The following FRMD5 variants were observed in gnomAD, a reference collection of about 807,000 sequenced individuals.
FRMD5 encodes FERM domain containing 5.
A neutral mutation model predicts 69.0 loss-of-function variants in FRMD5; 20 were observed. That is an observed-to-expected ratio of 0.29 (90% confidence interval 0.20 to 0.42). FRMD5 has a LOEUF of 0.42. Among genes scored for constraint, FRMD5 ranks in the 10% least tolerant of loss-of-function variants. FRMD5 has a pLI of 1.00. For synonymous variants in FRMD5, 271 were observed against 260.1 expected, an observed-to-expected ratio of 1.04 and a Z score of -0.40; for missense variants, 595 against 708.6, an observed-to-expected ratio of 0.84 and a Z score of 1.82.
At chr15:43,983,234 A>T (rs557183112) in intron 1 of FRMD5, among the ~76,000 whole-genome samples, 1 of 152,192 alleles carries the variant, frequency 6.6e-6, no homozygotes, top group South Asian at 2.1e-4. Flanking sequence ...CCTGGCCCCA[A>T]TCTTCTAATT....
intron 1 of FRMD5, among the ~76,000 whole-genome samples, chr15:44,120,280 G>A (rs139961683): frequency 6.6e-6 from 1 of 152,142 alleles, no homozygotes; most frequent in Non-Finnish European, 1.5e-5. Context: ...ACTGTCTAGA[G>A]GCAGGAAGAT....
At chr15:43,997,210 CA>C (rs1229050442) in intron 1 of FRMD5, among the ~76,000 whole-genome samples, 1 of 152,124 alleles carries the variant, frequency 6.6e-6, no homozygotes, top group Non-Finnish European at 1.5e-5. Context: ...GGGTAACTCC[CA>C]AATTTCATCT....
At chr15:44,009,030 C>CA (rs1481239016) in intron 1 of FRMD5, among the ~76,000 whole-genome samples, 1 of 151,962 alleles carries the variant, frequency 6.6e-6, no homozygotes, top group African/African-American at 2.4e-5. Context: ...GTCTCAAAAA[C>CA]AAAAAACAAC....
At chr15:44,114,588 C>A (rs894895739) in intron 1 of FRMD5, among the ~76,000 whole-genome samples, 1 of 152,140 alleles carries the variant, frequency 6.6e-6, no homozygotes, top group Non-Finnish European at 1.5e-5. Context: ...TTATCAAGAG[C>A]CATGTAACTG....
chr15:43,940,818 G>A (rs1250741833), intron 1 of FRMD5, among the ~76,000 whole-genome samples: 1 of 152,166 alleles, frequency 6.6e-6, no homozygotes, highest in African/African-American at 2.4e-5. Context: ...TTAGCAAGGA[G>A]GCTGGGAGAA....
chr15:43,908,367 G>C (rs886240212), intron 5 of FRMD5, among the ~76,000 whole-genome samples: 4 of 151,900 alleles, frequency 2.6e-5, no homozygotes. Flanking sequence ...GGGCATCTTT[G>C]GGTATCTCCC....
chr15:44,009,829 ATATT>A (rs1264054585), intron 1 of FRMD5, among the ~76,000 whole-genome samples: 1 of 152,156 alleles, frequency 6.6e-6, no homozygotes, highest in East Asian at 1.9e-4. Context: ...GGAAAAGGTA[ATATT>A]TATTACCCTT....
At chr15:44,095,291 C>T (rs146996924) in intron 1 of FRMD5, among the ~76,000 whole-genome samples, 11 of 151,936 alleles carry the variant, frequency 7.2e-5, no homozygotes, top group East Asian at 3.9e-4. Context: ...CACCCTCAAT[C>T]TCCTGGGCTC....
intron 1 of FRMD5, among the ~76,000 whole-genome samples, chr15:44,004,258 T>C (rs1328016912): frequency 1.3e-5 from 2 of 152,134 alleles, no homozygotes; most frequent in African/African-American, 4.8e-5. Flanking sequence ...TGCCATAGTT[T>C]TTATTTAACA....
chr15:44,040,216 G>GAATGGAACC (rs1157298437), intron 1 of FRMD5, among the ~76,000 whole-genome samples: 1 of 152,156 alleles, frequency 6.6e-6, no homozygotes, highest in Non-Finnish European at 1.5e-5. Flanking sequence ...GTAGCAGGGA[G>GAATGGAACC]AATGGAACCA....
chr15:43,884,592 T>C (rs2088616849), intron 12 of FRMD5, 135 bp downstream of exon 12: 1 of 667,778 alleles, frequency 1.5e-6, no homozygotes, highest in South Asian at 2.1e-5. Context: ...CTCTGAGAAG[T>C]TTCTTCAGCC....
At chr15:44,059,814 T>G (rs972138741) in intron 1 of FRMD5, among the ~76,000 whole-genome samples, 10 of 152,078 alleles carry the variant, frequency 6.6e-5, no homozygotes, top group African/African-American at 2.2e-4. Flanking sequence ...TGCACCCAGC[T>G]AGGGTCACTA....
At chr15:44,180,922 G>A (rs1393248522) in intron 1 of FRMD5, among the ~76,000 whole-genome samples, 2 of 152,128 alleles carry the variant, frequency 1.3e-5, no homozygotes, top group African/African-American at 4.8e-5. Flanking sequence ...ATAAAATATT[G>A]ACATAAAATT....
At chr15:43,992,161 A>G (rs1316930492) in intron 1 of FRMD5, among the ~76,000 whole-genome samples, 1 of 152,198 alleles carries the variant, frequency 6.6e-6, no homozygotes. Flanking sequence ...AGCAGAAATG[A>G]AATTTGTTCT....
intron 1 of FRMD5, among the ~76,000 whole-genome samples, chr15:44,079,886 A>G (rs572590613): frequency 6.8e-4 from 103 of 152,268 alleles, no homozygotes; most frequent in African/African-American, 2.3e-3. Flanking sequence ...GCCAGACACA[A>G]AAGGACGAAT....
At chr15:43,916,451 C>T (rs1379106494) in intron 4 of FRMD5, among the ~76,000 whole-genome samples, 4 of 152,152 alleles carry the variant, frequency 2.6e-5, no homozygotes, top group South Asian at 2.1e-4. Flanking sequence ...CTGGGGCCTA[C>T]GGACTGTGTA....
chr15:44,063,824 T>G (rs1400908846), intron 1 of FRMD5: 2 of 291,684 alleles, frequency 6.9e-6, no homozygotes, highest in East Asian at 1.0e-4. Flanking sequence ...TTCACTACCA[T>G]GAAGAAGGCT....
At chr15:43,945,521 C>T (rs1566852305) in intron 1 of FRMD5, among the ~76,000 whole-genome samples, 1 of 152,106 alleles carries the variant, frequency 6.6e-6, no homozygotes, top group Non-Finnish European at 1.5e-5. Context: ...AGTGGAATAT[C>T]ATTATGAATG....
At chr15:43,915,106 CTAGT>C (rs1342364308) in intron 4 of FRMD5, among the ~76,000 whole-genome samples, 1 of 152,178 alleles carries the variant, frequency 6.6e-6, no homozygotes, top group African/African-American at 2.4e-5. Flanking sequence ...TGTCACAGAG[CTAGT>C]TAAAGAACAA....
Sources: gnomAD v4.1 joint callset for allele counts (sites outside exome capture counted in the v4.1 genomes callset) on GRCh38, gnomAD v4.1.1 for gene constraint, MANE v1.5 for transcripts, NCBI Gene and HGNC (gene_info 2026-07-23, HGNC 2026-07-21) for gene names.